Variants in MTMR2 observed in about 807,000 individuals in gnomAD.
MTMR2 encodes myotubularin related protein 2.
Under a neutral mutation model 86.9 loss-of-function variants are expected in MTMR2, and 55 were observed. The ratio of observed to expected loss-of-function variants is 0.63; its 90% confidence interval spans 0.51 to 0.79. The LOEUF is 0.79. MTMR2 is among the 30% of genes least tolerant of loss of function. MTMR2 has a pLI of 0.00. For missense variants in MTMR2, 659 were observed against 772.3 expected (o/e 0.85, Z 1.74); for synonymous variants, 241 against 266.8 (o/e 0.90, Z 0.94).
At chr11:95,849,478 AT>A (rs1272787002) in intron 9 of MTMR2, among the ~76,000 whole-genome samples, 195 bp downstream of exon 9, 3 of 152,102 alleles carry the variant, frequency 2.0e-5, no homozygotes, top group Admixed American at 2.0e-4. Flanking sequence ...TATTATTCTC[AT>A]TTTTACCAAT....
intron 14 of MTMR2, 143 bp from the exon 15 acceptor site, chr11:95,835,594 G>A (rs566148455): frequency 7.6e-6 from 6 of 786,876 alleles, no homozygotes; most frequent in African/African-American, 6.8e-5. Flanking sequence ...ATTAAATACC[G>A]GGACTGTGGA....
intron 3 of MTMR2, among the ~76,000 whole-genome samples, chr11:95,862,973 A>G (rs1428076001): frequency 2.6e-5 from 4 of 152,260 alleles, no homozygotes; most frequent in Non-Finnish European, 4.4e-5. Flanking sequence ...GACTTTGTAA[A>G]GAAATAATCA....
intron 2 of MTMR2, among the ~76,000 whole-genome samples, chr11:95,887,943 T>C (rs1004792530): frequency 4.6e-5 from 7 of 152,216 alleles, no homozygotes; most frequent in African/African-American, 1.7e-4. Context: ...GCAAAGAACT[T>C]AGAGGTGATC....
At chr11:95,862,234 A>C (rs1221413074) in intron 4 of MTMR2, 38 bp downstream of exon 4, 1 of 1,574,044 alleles carries the variant, frequency 6.4e-7, no homozygotes, top group African/African-American at 1.3e-5. Context: ...TACAAACAAC[A>C]CACTCATGTA....
Position 95,833,598 on chromosome 11 carries a change from G to A in MTMR2, c.*1692C>T, listed in dbSNP as rs1863121286. 1 of 152,082 alleles carries A rather than the reference G, an allele frequency of 6.6e-6. No homozygotes were observed. The highest frequency in any genetic ancestry group is 1.5e-5 in the Non-Finnish European group (1 of 67,994). 9.4% of individuals were successfully genotyped at this position (152,082 alleles called of 1,614,324 possible). A position where few individuals can be genotyped will look rare whatever the true frequency, so the allele number is the denominator to read the frequency against. On this transcript the variant is annotated 3_prime_UTR_variant, in exon 15 of 15. Coordinates refer to ENST00000346299, the MANE Select transcript of MTMR2 (RefSeq NM_016156.6). The stretch of plus-strand genomic sequence containing the variant: ...TTTCCCTGGCTTTTGATTTGAATTT[G>A]AAGTGGATGCAAGTATGTTAAGACT...
intron 1 of MTMR2, among the ~76,000 whole-genome samples, chr11:95,897,977 G>C (rs1865936185): frequency 6.6e-6 from 1 of 152,116 alleles, no homozygotes; most frequent in Non-Finnish European, 1.5e-5. Flanking sequence ...GACTCACTTG[G>C]AGTACTTTTC....
At chr11:95,906,401 C>T (rs1394344728) in intron 1 of MTMR2, among the ~76,000 whole-genome samples, 1 of 152,158 alleles carries the variant, frequency 6.6e-6, no homozygotes, top group Non-Finnish European at 1.5e-5. Context: ...GTTCATAAAA[C>T]AAGTTCTTAG....
At chr11:95,882,255 T>G (rs532649174) in intron 2 of MTMR2, 9 of 152,130 alleles carry the variant, frequency 5.9e-5, no homozygotes, top group African/African-American at 2.2e-4. Flanking sequence ...CCCAACACTC[T>G]CGGGGGGGCC....
chr11:95,878,103 T>C (rs1325707514), intron 2 of MTMR2, among the ~76,000 whole-genome samples: 4 of 150,848 alleles, frequency 2.7e-5, no homozygotes, highest in South Asian at 2.1e-4. Flanking sequence ...AGGAATATCA[T>C]TCAGTAATAA....
intron 1 of MTMR2, among the ~76,000 whole-genome samples, chr11:95,894,456 C>G (rs1424590218): frequency 6.6e-6 from 1 of 152,284 alleles, no homozygotes. Context: ...TGTTACTGTA[C>G]ACATATTATC....
intron 13 of MTMR2, among the ~76,000 whole-genome samples, chr11:95,836,562 G>A (rs560939881): frequency 2.6e-4 from 40 of 152,020 alleles, no homozygotes; most frequent in African/African-American, 9.6e-4. Context: ...CCAGCAAACA[G>A]AAGACATGTC....
At chr11:95,874,207 C>A (rs1193904342) in intron 2 of MTMR2, among the ~76,000 whole-genome samples, 3 of 152,106 alleles carry the variant, frequency 2.0e-5, no homozygotes, top group Non-Finnish European at 4.4e-5. Flanking sequence ...TTAAAGTCTC[C>A]CATTATTATT....
At chr11:95,849,065 G>A (rs1461988154) in intron 9 of MTMR2, among the ~76,000 whole-genome samples, 2 of 152,002 alleles carry the variant, frequency 1.3e-5, no homozygotes, top group South Asian at 2.1e-4. Context: ...AAAGATGAGC[G>A]CTTTTCAGTA....
rs1863192993 is a variant in MTMR2 at position 95,834,970 on chromosome 11, T to C, written c.*320A>G. 2.8e-6 allele frequency: 1 copy of C among 357,706 alleles called. No individual in the cohort carries two copies. The highest frequency in any genetic ancestry group is 2.1e-5 in the African/African-American group (1 of 47,760). 22.2% of individuals were successfully genotyped at this position (357,706 alleles called of 1,614,324 possible). A position where few individuals can be genotyped will look rare whatever the true frequency, so the allele number is the denominator to read the frequency against. ...GTGTATTTCTAAAATGGTTTTAATA[T>C]TACCAGATGCCAAAAATTTGTAACA... is the stretch of plus-strand genomic sequence containing the variant. On this transcript the variant is annotated 3_prime_UTR_variant, in exon 15 of 15. Transcript: ENST00000346299.
Position 95,834,356 on chromosome 11 carries a change from G to A in MTMR2, c.*934C>T, listed in dbSNP as rs1171063427. On this transcript the variant is annotated 3_prime_UTR_variant, in exon 15 of 15. Coordinates refer to ENST00000346299, the MANE Select transcript of MTMR2 (RefSeq NM_016156.6). The stretch of plus-strand genomic sequence containing the variant: ...GAGTGAAATTACAGAATTTGCAAAG[G>A]AAAAAAATGTAAAATTTGAGCACAG... The A allele has an allele frequency of 6.6e-6, 1 of 152,004 alleles. No homozygotes were observed. Among genetic ancestry groups the A allele is most frequent in the African/African-American group, 2.4e-5 (1 of 41,356 alleles). The allele number at this position is 152,004 out of a possible 1,614,324, so 9.4% of individuals were successfully genotyped here.
chr11:95,849,882 T>C lies in MTMR2; in HGVS notation c.805-20A>G. 1 of 1,578,566 alleles carries C rather than the reference T, an allele frequency of 6.3e-7. No homozygotes were observed. The highest frequency in any genetic ancestry group is 8.7e-7 in the Non-Finnish European group (1 of 1,150,444). On this transcript the variant is annotated intron_variant, in intron 8 of 14. Transcript: ENST00000346299. ...TAAAACCTTAATGAGGAAAAAATGG[T>C]AACACACCTTTTACATACTTCTCTG...
chr11:95,876,179 C>G (rs1359674032), intron 2 of MTMR2, among the ~76,000 whole-genome samples: 2 of 152,182 alleles, frequency 1.3e-5, no homozygotes, highest in East Asian at 3.9e-4. Context: ...TTTTGTTTGG[C>G]TATGCCCTGC....
intron 8 of MTMR2, 30 bp downstream of exon 8, chr11:95,850,570 T>TG (rs761561680): frequency 1.9e-6 from 3 of 1,612,798 alleles, no homozygotes; most frequent in Non-Finnish European, 2.5e-6. Flanking sequence ...AAAAAGCACT[T>TG]GCAAAGGCTC....
At chr11:95,890,456 A>T (rs1272276627) in intron 1 of MTMR2, among the ~76,000 whole-genome samples, 3 of 152,172 alleles carry the variant, frequency 2.0e-5, no homozygotes, top group African/African-American at 7.2e-5. Flanking sequence ...TGTGGCTAGG[A>T]GAGCCACGTG....
Sources: allele counts gnomAD v4.1 joint callset (sites outside exome capture counted in the v4.1 genomes callset), GRCh38; gene constraint gnomAD v4.1.1; transcripts MANE v1.5; gene names NCBI Gene and HGNC (gene_info 2026-07-23, HGNC 2026-07-21).